Variants in DLGAP2 observed in about 807,000 individuals in gnomAD.
DLGAP2 encodes disks large-associated protein 2.
Under a neutral mutation model 100.3 loss-of-function variants are expected in DLGAP2, and 26 were observed. The observed-to-expected ratio is 0.26, with a 90% CI of 0.19 to 0.36. DLGAP2 has a LOEUF of 0.36. Among genes scored for constraint, DLGAP2 ranks in the 10% least tolerant of loss-of-function variants. The probability of loss-of-function intolerance (pLI) is 1.00; values close to 1 mark genes in which losing one functional copy is unlikely to be tolerated. For synonymous variants in DLGAP2, 886 were observed against 630.1 expected (o/e 1.41, Z -6.08); for missense variants, 1,858 against 1,453.2 (o/e 1.28, Z -4.53).
At chr8:845,594 C>T (rs971159102) in intron 1 of DLGAP2, among the ~76,000 whole-genome samples, 13 of 152,098 alleles carry the variant, frequency 8.5e-5, no homozygotes, top group Admixed American at 5.9e-4. Context: ...TAATTTCTTC[C>T]CATTCTATAG....
At chr8:812,386 C>T (rs1279989595) in intron 1 of DLGAP2, among the ~76,000 whole-genome samples, 1 of 152,184 alleles carries the variant, frequency 6.6e-6, no homozygotes, top group African/African-American at 2.4e-5. Flanking sequence ...GTCCCTGCCT[C>T]CCAGCCTCTT....
intron 1 of DLGAP2, among the ~76,000 whole-genome samples, chr8:860,572 A>C (rs995407244): frequency 1.3e-5 from 2 of 152,342 alleles, no homozygotes; most frequent in African/African-American, 4.8e-5. Flanking sequence ...GCAGTGACTC[A>C]GTGGTTACTG....
intron 6 of DLGAP2, among the ~76,000 whole-genome samples, chr8:1,609,943 A>T (rs1052626316): frequency 1.3e-5 from 2 of 150,984 alleles, no homozygotes; most frequent in African/African-American, 4.9e-5. Context: ...ATAATGGGAG[A>T]CTTTAACACC....
At chr8:813,635 G>A (rs988998245) in intron 1 of DLGAP2, among the ~76,000 whole-genome samples, 2 of 152,144 alleles carry the variant, frequency 1.3e-5, no homozygotes, top group South Asian at 2.1e-4. Flanking sequence ...CTAGACACTC[G>A]CTGATGCTGC....
chr8:1,418,679 A>G (rs1413483695), intron 3 of DLGAP2, among the ~76,000 whole-genome samples: 1 of 152,064 alleles, frequency 6.6e-6, no homozygotes, highest in Non-Finnish European at 1.5e-5. Context: ...TCACGCCAAT[A>G]CTTCTGGCCA....
intron 3 of DLGAP2, among the ~76,000 whole-genome samples, chr8:1,317,262 G>A (rs368583501): frequency 2.9e-4 from 39 of 135,462 alleles, no homozygotes; most frequent in African/African-American, 4.6e-4. Flanking sequence ...CGAGTGCAGC[G>A]TCTCTCCAAC....
intron 7 of DLGAP2, among the ~76,000 whole-genome samples, chr8:1,629,162 G>A (rs1797583636): frequency 6.6e-6 from 1 of 152,152 alleles, no homozygotes; most frequent in African/African-American, 2.4e-5. Flanking sequence ...TATTCATTTT[G>A]CAGGTTTTTT....
At chr8:1,594,157 A>G (rs1796374030) in intron 6 of DLGAP2, among the ~76,000 whole-genome samples, 1 of 152,216 alleles carries the variant, frequency 6.6e-6, no homozygotes, top group African/African-American at 2.4e-5. Context: ...CTTCTCATGT[A>G]TAAGACAAGG....
At chr8:1,236,324 GGTTCTCTCACATGGCGCCGTGTCTA>G (rs1798654402) in intron 2 of DLGAP2, among the ~76,000 whole-genome samples, 1 of 18,342 alleles carries the variant, frequency 5.5e-5, no homozygotes, top group Admixed American at 5.7e-4. Flanking sequence ...CGCCGTGTCT[GGTTCTCTCACATGGCGCCGTGTCTA>G]GTTCTCTCCC....
At chr8:1,048,323 C>T (rs1025590137) in intron 2 of DLGAP2, among the ~76,000 whole-genome samples, 3 of 152,172 alleles carry the variant, frequency 2.0e-5, no homozygotes, top group Admixed American at 2.0e-4. Context: ...GGAAGTAAAT[C>T]AAGGTGAAAT....
chr8:1,042,603 C>G (rs1388708665), intron 2 of DLGAP2, among the ~76,000 whole-genome samples: 1 of 152,172 alleles, frequency 6.6e-6, no homozygotes, highest in Non-Finnish European at 1.5e-5. Flanking sequence ...GACCAGGTCC[C>G]CAGGAGCCAG....
At chr8:1,088,044 C>T (rs1028416772) in intron 2 of DLGAP2, among the ~76,000 whole-genome samples, 1 of 152,244 alleles carries the variant, frequency 6.6e-6, no homozygotes, top group Non-Finnish European at 1.5e-5. Context: ...TCTGGCTCTG[C>T]CTTCACACCA....
Position 1,412,645 on chromosome 8 carries a change from C to T in DLGAP2, c.107-88721C>T, listed in dbSNP as rs549473112. On this transcript the variant is annotated intron_variant, in intron 3 of 14. Transcript: ENST00000637795. ...GAGAAATGGTGATAGCAATGGAGCC[C>T]ACTGTGAAGATCACAGGCTCTTTGT... Among the ~76,000 whole-genome samples, 3 of 152,288 alleles carry T rather than the reference C, an allele frequency of 2.0e-5. No individual in the cohort carries two copies. The South Asian group carries it at 6.2e-4, about 32-fold the overall frequency.
At chr8:1,427,327 G>C (rs571870830) in intron 3 of DLGAP2, among the ~76,000 whole-genome samples, 1 of 152,172 alleles carries the variant, frequency 6.6e-6, no homozygotes, top group Non-Finnish European at 1.5e-5. Flanking sequence ...TGATAAATAT[G>C]TATTACCAAG....
intron 1 of DLGAP2, among the ~76,000 whole-genome samples, chr8:841,177 C>T (rs961404303): frequency 6.6e-6 from 1 of 152,178 alleles, no homozygotes; most frequent in African/African-American, 2.4e-5. Context: ...CTCGATTCTT[C>T]CCCTGAATTT....
At chr8:1,446,872 C>G (rs1011987709) in intron 3 of DLGAP2, among the ~76,000 whole-genome samples, 2 of 152,144 alleles carry the variant, frequency 1.3e-5, no homozygotes, top group African/African-American at 2.4e-5. Context: ...TGGGAGTTCA[C>G]TCATGATTTG....
intron 10 of DLGAP2, among the ~76,000 whole-genome samples, chr8:1,675,174 AGT>A (rs1798782909): frequency 6.6e-6 from 1 of 152,206 alleles, no homozygotes; most frequent in African/African-American, 2.4e-5. Context: ...ACCCGGTGAA[AGT>A]GGACGTCTCT....
At chr8:1,628,111 G>T (rs1238509808) in intron 7 of DLGAP2, among the ~76,000 whole-genome samples, 1 of 108,568 alleles carries the variant, frequency 9.2e-6, no homozygotes, top group Non-Finnish European at 1.8e-5. Flanking sequence ...AGCTTGAGCC[G>T]ACCTCACATT....
At chr8:916,207 G>T (rs17740145) in intron 2 of DLGAP2, among the ~76,000 whole-genome samples, 50,094 of 152,092 alleles carry the variant, frequency 0.33, 8,599 homozygotes, top group Admixed American at 0.41. Context: ...TTACCTTAAA[G>T]TCTTTCCAGT....
Sources: gnomAD v4.1 joint callset for allele counts (sites outside exome capture counted in the v4.1 genomes callset) on GRCh38, gnomAD v4.1.1 for gene constraint, MANE v1.5 for transcripts, NCBI Gene and HGNC (gene_info 2026-07-23, HGNC 2026-07-21) for gene names.